Variants in GALNT13 observed in about 807,000 individuals in gnomAD.
GALNT13 encodes UDP-GalNAc:polypeptide N-acetylgalactosaminyltransferase 13.
In GALNT13, 28 loss-of-function variants were observed where a neutral mutation model predicts 64.2. The ratio of observed to expected loss-of-function variants is 0.44; its 90% CI spans 0.32 to 0.60. GALNT13 has a LOEUF of 0.60. Ranked by LOEUF, GALNT13 falls within the 20% of genes least tolerant of loss-of-function variation. The pLI is 0.05. For missense variants in GALNT13, 577 were observed against 669.8 expected (o/e 0.86, Z 1.53); for synonymous variants, 214 against 224.6 (o/e 0.95, Z 0.42).
At chr2:153,316,639 C>CAAAAAAA in the GALNT13 span, among the ~76,000 whole-genome samples, 411 of 69,800 alleles carry the variant, frequency 5.9e-3, 24 homozygotes, top group African/African-American at 0.022. Flanking sequence ...GACTCCGTCT[C>CAAAAAAA]AAAAAAAAAA....
the GALNT13 span, among the ~76,000 whole-genome samples, chr2:153,483,366 T>TC: frequency 4.6e-5 from 7 of 152,024 alleles, no homozygotes; most frequent in South Asian, 1.5e-3. Flanking sequence ...ACTGTGGTAT[T>TC]TACATAAATG....
the GALNT13 span, among the ~76,000 whole-genome samples, chr2:153,815,314 C>T: frequency 6.6e-6 from 1 of 152,122 alleles, no homozygotes; most frequent in African/African-American, 2.4e-5. Context: ...TTCATACTTT[C>T]TGTTCACTCA....
the GALNT13 span, among the ~76,000 whole-genome samples, chr2:153,447,361 C>T: frequency 5.3e-5 from 8 of 152,074 alleles, no homozygotes; most frequent in African/African-American, 1.7e-4. Context: ...CTGAGGGACA[C>T]GAAACAACAA....
rs1701936435 is a variant in GALNT13, at chr2:154,453,170, G to C, written c.*2619G>C. On this transcript the variant is annotated 3_prime_UTR_variant, in exon 13 of 13. Coordinates refer to ENST00000392825, the MANE Select transcript of GALNT13 (RefSeq NM_052917.4). ...TATTATTTAGTTCCCTAATTTCCCA[G>C]TCCTTGTCTTGAACAATCTTTTCTC... The C allele has an allele frequency of 6.6e-6, 1 of 152,012 alleles. No homozygotes were observed. The highest frequency in any genetic ancestry group is 6.6e-5 in the Admixed American group (1 of 15,244). 9.4% of individuals were successfully genotyped at this position (152,012 alleles called of 1,614,324 possible).
the GALNT13 span, among the ~76,000 whole-genome samples, chr2:153,495,891 C>G: frequency 6.6e-6 from 1 of 152,168 alleles, no homozygotes; most frequent in Non-Finnish European, 1.5e-5. Context: ...GAAAAGTTAG[C>G]CTGAGGTAAC....
At chr2:153,649,949 G>T in the GALNT13 span, among the ~76,000 whole-genome samples, 16 of 152,274 alleles carry the variant, frequency 1.1e-4, no homozygotes, top group South Asian at 1.0e-3. Context: ...CTGTTGATTT[G>T]GGGTGCAGAG....
At chr2:153,916,116 C>CTTCCTTCCTTCG (rs1181937306) in intron 2 of GALNT13, among the ~76,000 whole-genome samples, 1 of 147,428 alleles carries the variant, frequency 6.8e-6, no homozygotes, top group African/African-American at 2.5e-5. Flanking sequence ...TCCTTCCTCC[C>CTTCCTTCCTTCG]TTCCTTCCTT....
At chr2:154,033,920 C>T (rs1698498600) in intron 3 of GALNT13, among the ~76,000 whole-genome samples, 1 of 152,102 alleles carries the variant, frequency 6.6e-6, no homozygotes, top group Non-Finnish European at 1.5e-5. Context: ...GCTCTGGCGA[C>T]AGAGCAGGAC....
chr2:154,243,255 G>A (rs997658823), intron 6 of GALNT13, among the ~76,000 whole-genome samples: 3 of 152,114 alleles, frequency 2.0e-5, no homozygotes, highest in African/African-American at 7.2e-5. Context: ...AGGTACTGTA[G>A]ATATTCTTAT....
the GALNT13 span, among the ~76,000 whole-genome samples, chr2:153,242,601 C>G: frequency 6.6e-6 from 1 of 152,250 alleles, no homozygotes; most frequent in Non-Finnish European, 1.5e-5. Context: ...AAAGAGAGCT[C>G]TATGGTTAAA....
the GALNT13 span, among the ~76,000 whole-genome samples, chr2:153,497,519 C>T: frequency 1.0e-5 from 1 of 98,164 alleles, no homozygotes; most frequent in Non-Finnish European, 2.0e-5. Flanking sequence ...ACGTTTCTCC[C>T]GCATTTTTTT....
chr2:154,041,912 G>A (rs998622741), intron 3 of GALNT13, among the ~76,000 whole-genome samples: 1 of 139,582 alleles, frequency 7.2e-6, no homozygotes, highest in Non-Finnish European at 1.6e-5. Context: ...AAATAAGATT[G>A]AACCGAGATA....
the GALNT13 span, chr2:153,421,044 G>A: frequency 5.3e-6 from 1 of 189,576 alleles, no homozygotes; most frequent in Non-Finnish European, 1.2e-5. Flanking sequence ...GACATATTTG[G>A]GAACCACATT....
At chr2:153,631,847 A>T in the GALNT13 span, among the ~76,000 whole-genome samples, 2 of 152,094 alleles carry the variant, frequency 1.3e-5, no homozygotes, top group Non-Finnish European at 2.9e-5. Context: ...TTTTGTTGCC[A>T]TTGCTTTTGG....
intron 3 of GALNT13, among the ~76,000 whole-genome samples, chr2:154,021,165 G>A (rs1194328650): frequency 6.6e-6 from 1 of 152,110 alleles, no homozygotes; most frequent in Non-Finnish European, 1.5e-5. Context: ...TTTGGCTTAG[G>A]ATTGACTTGG....
chr2:153,412,957 C>G, the GALNT13 span, among the ~76,000 whole-genome samples: 1 of 152,026 alleles, frequency 6.6e-6, no homozygotes, highest in Non-Finnish European at 1.5e-5. Flanking sequence ...AAGAATGATT[C>G]TATAGAAAAT....
At chr2:153,499,713 C>T in the GALNT13 span, among the ~76,000 whole-genome samples, 111 of 152,354 alleles carry the variant, frequency 7.3e-4, no homozygotes, top group African/African-American at 2.6e-3. Flanking sequence ...GCCTTGGGCA[C>T]ATGCATATCC....
chr2:153,640,701 G>A, the GALNT13 span, among the ~76,000 whole-genome samples: 39 of 152,238 alleles, frequency 2.6e-4, no homozygotes, highest in East Asian at 7.4e-3. Context: ...AGGATCACCT[G>A]AGCCTGGGAG....
At chr2:154,234,536 G>A (rs1689088382) in intron 4 of GALNT13, among the ~76,000 whole-genome samples, 1 of 151,876 alleles carries the variant, frequency 6.6e-6, no homozygotes, top group African/African-American at 2.4e-5. Context: ...GGTTTGAGGG[G>A]AATGTGTTAC....
Sources: gnomAD v4.1 joint callset for allele counts (sites outside exome capture counted in the v4.1 genomes callset) on GRCh38, gnomAD v4.1.1 for gene constraint, MANE v1.5 for transcripts, NCBI Gene and HGNC (gene_info 2026-07-23, HGNC 2026-07-21) for gene names.